Variants in EBF1 observed in about 807,000 individuals in gnomAD.
The protein encoded by EBF1 is EBF transcription factor 1, also known as transcription factor COE1.
A neutral mutation model predicts 68.4 loss-of-function variants in EBF1; 10 were observed. The ratio of observed to expected loss-of-function variants is 0.15; its 90% CI spans 0.09 to 0.25. The LOEUF is 0.25. EBF1 is among the 10% of genes least tolerant of loss of function. EBF1 has a pLI of 1.00. For synonymous variants in EBF1, 298 were observed against 299.8 expected, an observed-to-expected ratio of 0.99 and a Z score of 0.06; for missense variants, 509 against 794.4, an observed-to-expected ratio of 0.64 and a Z score of 4.32.
intron 6 of EBF1, among the ~76,000 whole-genome samples, chr5:158,965,111 A>T (rs1213554819): frequency 6.6e-6 from 1 of 152,192 alleles, no homozygotes; most frequent in African/African-American, 2.4e-5. Flanking sequence ...CTAACTCGTT[A>T]TGTAAGTTTT....
intron 10 of EBF1, among the ~76,000 whole-genome samples, chr5:158,747,277 G>C (rs1767794058): frequency 6.6e-6 from 1 of 152,174 alleles, no homozygotes; most frequent in African/African-American, 2.4e-5. Context: ...ATCATTTGTT[G>C]AGAAGCGGTT....
chr5:158,771,922 G>A (rs570098479), intron 10 of EBF1, among the ~76,000 whole-genome samples: 36 of 152,184 alleles, frequency 2.4e-4, no homozygotes, highest in African/African-American at 6.3e-4. Context: ...ATACCACAGC[G>A]GTCAGAGAAC....
intron 6 of EBF1, among the ~76,000 whole-genome samples, chr5:158,866,679 C>T (rs1224619260): frequency 6.6e-6 from 1 of 151,608 alleles, no homozygotes; most frequent in Non-Finnish European, 1.5e-5. Context: ...TGTAACATGT[C>T]GGCGTTTATG....
chr5:159,099,297 T>C (rs767972439), intron 1 of EBF1, 48 bp downstream of exon 1: 3 of 1,411,712 alleles, frequency 2.1e-6, no homozygotes, highest in Middle Eastern at 2.2e-4. Flanking sequence ...GCCTCCCGGC[T>C]CTCCCGCTCG....
At chr5:158,800,451 G>C (rs915746996) in intron 8 of EBF1, among the ~76,000 whole-genome samples, 1 of 152,084 alleles carries the variant, frequency 6.6e-6, no homozygotes, top group Non-Finnish European at 1.5e-5. Flanking sequence ...CTATATATTT[G>C]TATGATTTAA....
chr5:159,023,344 T>C (rs1016763108), intron 6 of EBF1, among the ~76,000 whole-genome samples: 2 of 152,214 alleles, frequency 1.3e-5, no homozygotes, highest in African/African-American at 4.8e-5. Flanking sequence ...ATTGTACAGA[T>C]AGGGAAATGA....
chr5:158,968,637 T>C (rs897327625), intron 6 of EBF1, among the ~76,000 whole-genome samples: 4 of 152,044 alleles, frequency 2.6e-5, no homozygotes, highest in Non-Finnish European at 5.9e-5. Flanking sequence ...ACTTAAAAAA[T>C]TGATTTGGGA....
intron 6 of EBF1, among the ~76,000 whole-genome samples, chr5:159,001,466 A>G (rs986798105): frequency 2.6e-5 from 4 of 152,160 alleles, no homozygotes; most frequent in Non-Finnish European, 5.9e-5. Context: ...TGACTCAACC[A>G]TTCACTGACT....
intron 10 of EBF1, among the ~76,000 whole-genome samples, chr5:158,762,536 TTGTTC>T (rs1422326250): frequency 1.9e-4 from 29 of 152,230 alleles, no homozygotes; most frequent in Admixed American, 6.5e-4. Flanking sequence ...ATTTTTTGTT[TTGTTC>T]TGTTTTGTTT....
At position 158,696,891 on chromosome 5, in the gene EBF1, T is replaced by G. The variant is rs888180382; in HGVS notation, c.*2220A>C. The G allele has an allele frequency of 1.5e-5, 3 of 202,114 alleles. No individual in the cohort carries two copies. The highest frequency in any genetic ancestry group is 3.0e-5 in the Non-Finnish European group (3 of 98,680). 12.5% of individuals were successfully genotyped at this position (202,114 alleles called of 1,614,324 possible). A position where few individuals can be genotyped will look rare whatever the true frequency, so the allele number is the denominator to read the frequency against. On this transcript the variant is annotated 3_prime_UTR_variant, in exon 16 of 16. Coordinates refer to ENST00000313708, the MANE Select transcript of EBF1 (RefSeq NM_024007.5). ...AAACAGTTCTTTTGTGCTTTTCGAT[T>G]TCTTTGTTTTTTTTTTTTTCTTTTT...
At chr5:158,714,336 A>G (rs183130977) in intron 11 of EBF1, among the ~76,000 whole-genome samples, 154 bp from the exon 12 acceptor site, 50 of 152,370 alleles carry the variant, frequency 3.3e-4, no homozygotes, top group African/African-American at 1.2e-3. Flanking sequence ...TTAAATCACC[A>G]ATTTATCCCT....
intron 6 of EBF1, among the ~76,000 whole-genome samples, chr5:159,044,770 G>A (rs1363813551): frequency 1.3e-5 from 2 of 152,178 alleles, no homozygotes; most frequent in Non-Finnish European, 2.9e-5. Context: ...GTAATATAAA[G>A]AGTGTAGTTA....
chr5:158,763,570 C>T (rs1443450695), intron 10 of EBF1, among the ~76,000 whole-genome samples: 1 of 150,488 alleles, frequency 6.6e-6, no homozygotes, highest in African/African-American at 2.4e-5. Context: ...ATGTCCATGA[C>T]ACCCTTTTTG....
chr5:158,713,872 C>T (rs571536702), intron 12 of EBF1, among the ~76,000 whole-genome samples: 1 of 152,150 alleles, frequency 6.6e-6, no homozygotes, highest in Non-Finnish European at 1.5e-5. Context: ...GAAGTATGTT[C>T]CCACTAAAGA....
chr5:158,833,153 A>G lies in EBF1; in HGVS notation c.636+6876T>C, dbSNP rs1433086873. On this transcript the variant is annotated intron_variant, in intron 7 of 15. Coordinates refer to ENST00000313708, the MANE Select transcript of EBF1 (RefSeq NM_024007.5). ...CCTTCTCTACTAAAAAAAAAATCTA[A>G]AAATTAGCCAGGGGTGGTGGTGCGT... is the stretch of plus-strand genomic sequence containing the variant. 2.6e-5 allele frequency among the ~76,000 whole-genome samples: 4 copies of G among 151,940 alleles called. No homozygotes were observed. The East Asian group carries it at 7.7e-4, about 29-fold the overall frequency.
At chr5:158,880,855 G>C (rs1289389498) in intron 6 of EBF1, among the ~76,000 whole-genome samples, 1 of 152,196 alleles carries the variant, frequency 6.6e-6, no homozygotes, top group Non-Finnish European at 1.5e-5. Context: ...TGATTCACAA[G>C]CACGGACATC....
At chr5:158,703,021 G>A (rs986805884) in intron 15 of EBF1, among the ~76,000 whole-genome samples, 2 of 152,150 alleles carry the variant, frequency 1.3e-5, no homozygotes, top group Admixed American at 6.5e-5. Context: ...GACTGTCCAG[G>A]ACATGGCTAA....
chr5:158,870,127 G>A (rs1796631648), intron 6 of EBF1, among the ~76,000 whole-genome samples: 1 of 152,122 alleles, frequency 6.6e-6, no homozygotes, highest in Non-Finnish European at 1.5e-5. Context: ...CAACAGAAGT[G>A]TGCATGCCCT....
At chr5:158,746,753 G>A (rs941092340) in intron 10 of EBF1, among the ~76,000 whole-genome samples, 10 of 152,120 alleles carry the variant, frequency 6.6e-5, no homozygotes, top group East Asian at 1.9e-4. Flanking sequence ...CTCCATCTGC[G>A]GAATTCACTT....
Sources: gnomAD v4.1 joint callset for allele counts (sites outside exome capture counted in the v4.1 genomes callset) on GRCh38, gnomAD v4.1.1 for gene constraint, MANE v1.5 for transcripts, NCBI Gene and HGNC (gene_info 2026-07-23, HGNC 2026-07-21) for gene names.